The following LSAMP variants were observed in gnomAD, a reference collection of about 807,000 sequenced individuals.
LSAMP encodes limbic system-associated membrane protein.
A neutral mutation model predicts 38.6 loss-of-function variants in LSAMP; 7 were observed. The ratio of observed to expected loss-of-function variants is 0.18; its 90% CI spans 0.10 to 0.34. LSAMP has a LOEUF of 0.34. Among genes scored for constraint, LSAMP ranks in the 10% least tolerant of loss-of-function variants. The pLI is 1.00. For synonymous variants in LSAMP, 154 were observed against 166.8 expected (o/e 0.92, Z 0.59); for missense variants, 313 against 420.0 (o/e 0.75, Z 2.23).
chr3:115,896,040 T>G (rs887578935), intron 3 of LSAMP, among the ~76,000 whole-genome samples: 1 of 152,164 alleles, frequency 6.6e-6, no homozygotes, highest in South Asian at 2.1e-4. Flanking sequence ...TTTCACTAAA[T>G]GTACCTATGC....
At chr3:116,277,774 G>C (rs1249974114) in intron 1 of LSAMP, among the ~76,000 whole-genome samples, 1 of 152,160 alleles carries the variant, frequency 6.6e-6, no homozygotes, top group Non-Finnish European at 1.5e-5. Flanking sequence ...CTGTTGTAAA[G>C]GTTGTGGCTG....
intron 1 of LSAMP, among the ~76,000 whole-genome samples, chr3:116,255,983 CCTT>C (rs1485999310): frequency 6.6e-6 from 1 of 151,980 alleles, no homozygotes; most frequent in Non-Finnish European, 1.5e-5. Context: ...TGGCCATTTT[CCTT>C]CTTTTTGGGT....
chr3:115,920,522 A>G (rs978754678), intron 3 of LSAMP, among the ~76,000 whole-genome samples: 2 of 152,102 alleles, frequency 1.3e-5, no homozygotes, highest in African/African-American at 4.8e-5. Context: ...AGAAATGTCT[A>G]TTCCAGTTCT....
intron 2 of LSAMP, among the ~76,000 whole-genome samples, chr3:116,026,498 T>C (rs2107697350): frequency 6.6e-6 from 1 of 152,290 alleles, no homozygotes; most frequent in Admixed American, 6.5e-5. Context: ...CATGCCTCTT[T>C]CTTCTGGTAA....
At position 115,881,837 on chromosome 3, in the gene LSAMP, T is replaced by C. The variant is rs573464310; in HGVS notation, c.515-29220A>G. 2.4e-4 allele frequency among the ~76,000 whole-genome samples: 36 copies of C among 152,244 alleles called. No individual in the cohort carries two copies. The South Asian group carries it at 7.3e-3, about 31-fold the overall frequency. On this transcript the variant is annotated intron_variant, in intron 3 of 6. Transcript: ENST00000490035. ...TGATTATTGCAGTAGATGCCTTAAA[T>C]ACCCAGTCCAGATTCCCTTTCCTGA... is the stretch of plus-strand genomic sequence containing the variant.
intron 2 of LSAMP, among the ~76,000 whole-genome samples, chr3:116,054,782 G>A (rs961792575): frequency 1.3e-5 from 2 of 152,048 alleles, no homozygotes; most frequent in South Asian, 2.1e-4. Flanking sequence ...TTAGCAACAC[G>A]GTCTGACATT....
intron 1 of LSAMP, among the ~76,000 whole-genome samples, chr3:116,095,872 G>T (rs548348593): frequency 2.0e-5 from 3 of 152,296 alleles, no homozygotes; most frequent in African/African-American, 2.4e-5. Flanking sequence ...TATGGGTTCA[G>T]TAGTTTAGTA....
chr3:116,211,101 A>C (rs1289527962), intron 1 of LSAMP, among the ~76,000 whole-genome samples: 1 of 92,164 alleles, frequency 1.1e-5, no homozygotes, highest in Non-Finnish European at 2.7e-5. Context: ...AGAAAGACTA[A>C]TAAACATGAT....
At chr3:116,139,699 A>G (rs1470486980) in intron 1 of LSAMP, among the ~76,000 whole-genome samples, 1 of 151,978 alleles carries the variant, frequency 6.6e-6, no homozygotes, top group Admixed American at 6.6e-5. Context: ...AATATATTAT[A>G]GCACACATGA....
At chr3:116,315,883 T>C (rs959036448) in intron 1 of LSAMP, among the ~76,000 whole-genome samples, 5 of 152,190 alleles carry the variant, frequency 3.3e-5, no homozygotes, top group African/African-American at 4.8e-5. Context: ...CTTTGGTATA[T>C]GATGAATAGT....
At chr3:115,902,994 C>T (rs56209641) in intron 3 of LSAMP, among the ~76,000 whole-genome samples, 20,975 of 152,058 alleles carry the variant, frequency 0.14, 1,554 homozygotes, top group Middle Eastern at 0.21. Context: ...TGGTACATAC[C>T]CAAAGGATTA....
intron 3 of LSAMP, among the ~76,000 whole-genome samples, chr3:115,934,197 C>G (rs1576232846): frequency 1.2e-5 from 1 of 80,148 alleles, no homozygotes; most frequent in African/African-American, 4.3e-5. Context: ...ATTTTTTTTT[C>G]AGTCAGAGTG....
At chr3:116,187,035 A>G (rs1710635510) in intron 1 of LSAMP, among the ~76,000 whole-genome samples, 1 of 152,146 alleles carries the variant, frequency 6.6e-6, no homozygotes, top group Non-Finnish European at 1.5e-5. Flanking sequence ...AACACAACAA[A>G]GAATGTATTA....
intron 3 of LSAMP, among the ~76,000 whole-genome samples, chr3:115,928,969 G>GTTT (rs1033194537): frequency 3.0e-3 from 159 of 53,472 alleles, no homozygotes; most frequent in African/African-American, 8.4e-3. Flanking sequence ...CAGGTTTTTT[G>GTTT]TTTGTTTTTT....
intron 1 of LSAMP, among the ~76,000 whole-genome samples, chr3:116,422,418 AT>A (rs780509481): frequency 2.6e-5 from 4 of 152,254 alleles, no homozygotes; most frequent in Non-Finnish European, 4.4e-5. Context: ...TCTAGAGATG[AT>A]TTAAAGTATA....
At chr3:116,399,068 A>G (rs1284202129) in intron 1 of LSAMP, among the ~76,000 whole-genome samples, 2 of 152,218 alleles carry the variant, frequency 1.3e-5, no homozygotes, top group Non-Finnish European at 2.9e-5. Context: ...TTACATTTCA[A>G]ATGGACTGGA....
intron 1 of LSAMP, among the ~76,000 whole-genome samples, chr3:116,177,548 G>A (rs1216446839): frequency 6.6e-6 from 1 of 152,012 alleles, no homozygotes; most frequent in Non-Finnish European, 1.5e-5. Flanking sequence ...TGCCACATGT[G>A]AATAAACCAA....
At chr3:116,102,392 A>T (rs1377993045) in intron 1 of LSAMP, among the ~76,000 whole-genome samples, 2 of 152,188 alleles carry the variant, frequency 1.3e-5, no homozygotes, top group Admixed American at 1.3e-4. Context: ...AATGAGATTA[A>T]TTTTATTTGT....
chr3:116,378,566 A>C (rs1328829961), intron 1 of LSAMP, among the ~76,000 whole-genome samples: 1 of 152,096 alleles, frequency 6.6e-6, no homozygotes, highest in African/African-American at 2.4e-5. Context: ...TTTACAAGAA[A>C]TTAATTATTT....
Sources: allele counts gnomAD v4.1 joint callset (sites outside exome capture counted in the v4.1 genomes callset), GRCh38; gene constraint gnomAD v4.1.1; transcripts MANE v1.5; gene names NCBI Gene and HGNC (gene_info 2026-07-23, HGNC 2026-07-21).